The following PGBD5 variants were observed in gnomAD, a reference collection of about 807,000 sequenced individuals.
The protein encoded by PGBD5 is piggyBac transposable element derived 5, also known as piggyBac transposable element-derived protein 5.
In PGBD5, 14 loss-of-function variants were observed where a neutral mutation model predicts 47.9. That is an observed-to-expected ratio of 0.29 (90% CI 0.19 to 0.46). The LOEUF is 0.46. PGBD5 is among the 20% of genes least tolerant of loss of function. The pLI is 1.00. For synonymous variants in PGBD5, 316 were observed against 306.3 expected (o/e 1.03, Z -0.33); for missense variants, 635 against 716.0 (o/e 0.89, Z 1.29).
At chr1:230,358,381 G>A (rs1039182536) in intron 1 of PGBD5, among the ~76,000 whole-genome samples, 10 of 152,114 alleles carry the variant, frequency 6.6e-5, no homozygotes, top group Middle Eastern at 3.4e-3. Flanking sequence ...AAGTTGAGGC[G>A]GTTTTGTAAG....
intron 1 of PGBD5, among the ~76,000 whole-genome samples, chr1:230,389,871 G>A (rs909257100): frequency 1.3e-5 from 2 of 152,144 alleles, no homozygotes; most frequent in African/African-American, 4.8e-5. Flanking sequence ...GCAATGATTT[G>A]GGATGGGACC....
intron 1 of PGBD5, among the ~76,000 whole-genome samples, chr1:230,402,140 T>C (rs563603793): frequency 9.9e-5 from 15 of 152,268 alleles, no homozygotes; most frequent in African/African-American, 3.6e-4. Context: ...GAAATGAACA[T>C]GCCAAGCATT....
At chr1:230,382,631 A>AT (rs780551706) in intron 1 of PGBD5, among the ~76,000 whole-genome samples, 1 of 152,206 alleles carries the variant, frequency 6.6e-6, no homozygotes, top group African/African-American at 2.4e-5. Context: ...ATCCTAGGTA[A>AT]ACTAGGGTGG....
chr1:230,411,551 C>A (rs1657409367), intron 1 of PGBD5, among the ~76,000 whole-genome samples: 1 of 152,084 alleles, frequency 6.6e-6, no homozygotes, highest in Non-Finnish European at 1.5e-5. Context: ...TTTATCTAAC[C>A]CGTGATTCTA....
chr1:230,422,960 T>C (rs1217146109), intron 1 of PGBD5, among the ~76,000 whole-genome samples: 2 of 151,640 alleles, frequency 1.3e-5, no homozygotes, highest in Non-Finnish European at 2.9e-5. Context: ...CCCCAGTGTC[T>C]ACCTCCCTCA....
chr1:230,334,777 AAGG>A (rs1667276596), intron 4 of PGBD5, among the ~76,000 whole-genome samples: 1 of 152,214 alleles, frequency 6.6e-6, no homozygotes, highest in African/African-American at 2.4e-5. Context: ...AAAAATAGGC[AAGG>A]AGATCTTTTT....
In PGBD5 at chr1:230,331,814, C is replaced by A. The variant is rs553876222; in HGVS notation, c.1273+1030G>T. 2.0e-5 allele frequency among the ~76,000 whole-genome samples: 3 copies of A among 151,952 alleles called. No homozygotes were observed. The East Asian group carries it at 5.9e-4, about 30-fold the overall frequency. On this transcript the variant is annotated intron_variant, in intron 5 of 6. Transcript: ENST00000391860. ...TGGCTCAAACCTTTCTTCAACTGAT[C>A]CTAGACACAGCACTCAAGAGCACAG...
intron 1 of PGBD5, among the ~76,000 whole-genome samples, chr1:230,416,143 A>G (rs183012661): frequency 9.2e-5 from 14 of 152,286 alleles, no homozygotes; most frequent in Non-Finnish European, 5.9e-5. Context: ...GCCACCAGGA[A>G]GTGAGCAGGT....
chr1:230,393,808 G>A (rs1656851080), intron 1 of PGBD5, among the ~76,000 whole-genome samples: 1 of 127,796 alleles, frequency 7.8e-6, no homozygotes. Flanking sequence ...CTGGGCGACA[G>A]AACGAGACTC....
chr1:230,325,581 G>A (rs891031679), intron 5 of PGBD5, among the ~76,000 whole-genome samples, 166 bp from the exon 6 acceptor site: 1 of 152,176 alleles, frequency 6.6e-6, no homozygotes, highest in Non-Finnish European at 1.5e-5. Flanking sequence ...CAACCACCAG[G>A]TGCTTCAGAG....
chr1:230,378,960 C>T (rs569741944), intron 1 of PGBD5, among the ~76,000 whole-genome samples: 11 of 152,236 alleles, frequency 7.2e-5, no homozygotes, highest in East Asian at 3.9e-4. Flanking sequence ...GGCCAAGTCA[C>T]GAGCCTGCAG....
intron 5 of PGBD5, among the ~76,000 whole-genome samples, chr1:230,328,977 G>C (rs767090142): frequency 2.0e-5 from 3 of 151,744 alleles, no homozygotes; most frequent in Non-Finnish European, 4.4e-5. Flanking sequence ...CTGTTGCTCA[G>C]ACTGAAGTGC....
At position 230,357,194 on chromosome 1, in the gene PGBD5, A is replaced by T; in HGVS notation, c.459T>A (p.Phe153Leu). 1.2e-6 allele frequency: 2 copies of T among 1,614,078 alleles called. No individual in the cohort carries two copies. Among genetic ancestry groups the T allele is most frequent in the Non-Finnish European group, 1.7e-6 (2 of 1,180,012 alleles). ...CCTCCACCCAGGCTCCGTCGCTCCC[A>T]AACCGCTCCTGGAACTTCTTGGCAT... is the stretch of plus-strand genomic sequence containing the variant. ...NMYAKKFQER[F>L]GSDGAWVEVT... The change falls in exon 2 of 7, where the codon TTT (phenylalanine) becomes TTA (leucine). Residue 153 changes from phenylalanine (F) to leucine (L), a missense_variant. Transcript: ENST00000391860. The surrounding 1 kb of genome is among the most constrained non-coding windows in gnomAD (Gnocchi z 5.7).
intron 5 of PGBD5, among the ~76,000 whole-genome samples, chr1:230,327,182 G>A (rs1415972053): frequency 2.2e-4 from 33 of 151,850 alleles, no homozygotes; most frequent in Admixed American, 2.2e-3. Flanking sequence ...CCTCACAGCA[G>A]CAAGGGACTA....
Position 230,345,034 on chromosome 1 carries a change from C to T in PGBD5, c.894+5924G>A, listed in dbSNP as rs1667456048. On this transcript the variant is annotated intron_variant, in intron 3 of 6. Transcript: ENST00000391860. ...CCTTGCTGGGAACGTTGGTCTCATG[C>T]TGCAGAGGCAGGTGCCTGGCCCAAC... Among the ~76,000 whole-genome samples the T allele has an allele frequency of 2.0e-5, 3 of 152,296 alleles. No homozygotes were observed. In the South Asian group the frequency reaches 6.2e-4, roughly 32 times the overall value.
chr1:230,332,044 A>ACCAC (rs1667228345), intron 5 of PGBD5, among the ~76,000 whole-genome samples: 1 of 139,626 alleles, frequency 7.2e-6, no homozygotes, highest in Non-Finnish European at 1.6e-5. Context: ...CACCACACAC[A>ACCAC]GCACACACAA....
intron 5 of PGBD5, 50 bp from the exon 6 acceptor site, chr1:230,325,465 G>A (rs1171726599): frequency 7.6e-7 from 1 of 1,319,606 alleles, no homozygotes. Context: ...TCCTCCTAAT[G>A]CCACTTTATA....
At chr1:230,400,936 G>A (rs1362233400) in intron 1 of PGBD5, among the ~76,000 whole-genome samples, 3 of 152,240 alleles carry the variant, frequency 2.0e-5, no homozygotes, top group African/African-American at 4.8e-5. Context: ...TGAGAAAACG[G>A]ACTCAGAGAA....
At position 230,315,964 on chromosome 1, in the gene PGBD5, G is replaced by C. The variant is rs559544052; in HGVS notation, c.*7461C>G. 133 of 132,786 alleles carry C rather than the reference G, an allele frequency of 1.0e-3. 1 individual carries two copies. The highest frequency in any genetic ancestry group is 1.6e-3 in the Non-Finnish European group (96 of 60,108). The allele number at this position is 132,786 out of a possible 1,614,324, so 8.2% of individuals were successfully genotyped here. ...TATGTGTATACATACATAAGTATAT[G>C]TGTACACATATATGTATGTGTATAC... is the stretch of plus-strand genomic sequence containing the variant. On this transcript the variant is annotated 3_prime_UTR_variant, in exon 7 of 7. Transcript: ENST00000391860.
Sources: gnomAD v4.1 joint callset for allele counts (sites outside exome capture counted in the v4.1 genomes callset) on GRCh38, gnomAD v4.1.1 for gene constraint, Gnocchi (gnomAD v3.1) non-coding constraint, MANE v1.5 for transcripts, NCBI Gene and HGNC (gene_info 2026-07-23, HGNC 2026-07-21) for gene names.